The following ARHGAP35 variants were observed in gnomAD, a reference collection of about 807,000 sequenced individuals.
ARHGAP35 encodes rho GTPase-activating protein 35.
In ARHGAP35, 15 loss-of-function variants were observed where a neutral mutation model predicts 111.1. The observed-to-expected ratio is 0.13, with a 90% CI of 0.09 to 0.21. The LOEUF is 0.21. ARHGAP35 is among the 10% of genes least tolerant of loss of function. The pLI is 1.00. For synonymous variants in ARHGAP35, 643 were observed against 710.3 expected, an observed-to-expected ratio of 0.91 and a Z score of 1.51; for missense variants, 1,262 against 1,873.0, an observed-to-expected ratio of 0.67 and a Z score of 6.02.
At position 46,939,941 on chromosome 19, in the gene ARHGAP35, T is replaced by A. The variant is rs537407553; in HGVS notation, c.3826+2533T>A. Among the ~76,000 whole-genome samples, 11 of 151,808 alleles carry A rather than the reference T, an allele frequency of 7.2e-5. No individual in the cohort carries two copies. The East Asian group carries it at 2.2e-3, about 30-fold the overall frequency. On this transcript the variant is annotated intron_variant, in intron 3 of 6. Transcript: ENST00000672722. ...CTTATCCTGGACCACACGTTACATT[T>A]AGTGGTCAAATCTGGCCCAGCACAG... is the stretch of plus-strand genomic sequence containing the variant.
rs1478688513 is a variant in ARHGAP35, at chr19:47,004,603, CAT to C, written c.*3916_*3917del. On this transcript the variant is annotated 3_prime_UTR_variant, in exon 7 of 7. Coordinates refer to ENST00000672722, the MANE Select transcript of ARHGAP35 (RefSeq NM_004491.5). ...TATTTTTCTGGTACTTGTATTTTCA[CAT>C]GTTAAATGATCTTTATATATGTTGA... is the stretch of plus-strand genomic sequence containing the variant. 1 of 152,662 alleles carries C rather than the reference CAT, an allele frequency of 6.6e-6. No homozygotes were observed. Among genetic ancestry groups the C allele is most frequent in the African/African-American group, 2.4e-5 (1 of 41,472 alleles). 9.5% of individuals were successfully genotyped at this position (152,662 alleles called of 1,614,324 possible). A position where few individuals can be genotyped will look rare whatever the true frequency, so the allele number is the denominator to read the frequency against.
rs1316336748 is a variant in ARHGAP35, at chr19:46,986,156, C to T, written c.3827-1833C>T. 6.6e-6 allele frequency among the ~76,000 whole-genome samples: 1 copy of T among 152,200 alleles called. No homozygotes were observed. Among genetic ancestry groups the T allele is most frequent in the Non-Finnish European group, 1.5e-5 (1 of 68,034 alleles). On this transcript the variant is annotated intron_variant, in intron 3 of 6. Coordinates refer to ENST00000672722, the MANE Select transcript of ARHGAP35 (RefSeq NM_004491.5). This position sits in a 1 kb window ranked among gnomAD's most constrained non-coding sequence, Gnocchi z 4.3. ...TTGCTTTAGCCATGAGACCCCATGTCAGTTTTCACAGTGACTTCACTGTCC... is the reference window on the plus strand; with the variant it reads ...TTGCTTTAGCCATGAGACCCCATGTTAGTTTTCACAGTGACTTCACTGTCC...
At chr19:46,957,564 G>T (rs910711779) in intron 3 of ARHGAP35, among the ~76,000 whole-genome samples, 2 of 152,160 alleles carry the variant, frequency 1.3e-5, no homozygotes, top group Non-Finnish European at 2.9e-5. Context: ...AGTGAGCTGC[G>T]ATCACGCTAC....
rs2056211987 is a variant in ARHGAP35, at chr19:46,922,879, A to C, written c.3681+523A>C. Among the ~76,000 whole-genome samples, 1 of 152,210 alleles carries C rather than the reference A, an allele frequency of 6.6e-6. No homozygotes were observed. The highest frequency in any genetic ancestry group is 1.5e-5 in the Non-Finnish European group (1 of 68,042). The stretch of plus-strand genomic sequence containing the variant: ...TTGAGTACATAAATGAAAAAAGAGA[A>C]TCTTGCCACTGAGAGTTATAAACCT... On this transcript the variant is annotated intron_variant, in intron 2 of 6. Coordinates refer to ENST00000672722, the MANE Select transcript of ARHGAP35 (RefSeq NM_004491.5). The surrounding 1 kb of genome is among the most constrained non-coding windows in gnomAD (Gnocchi z 4.0).
At chr19:46,938,972 T>C (rs991114139) in intron 3 of ARHGAP35, among the ~76,000 whole-genome samples, 7 of 152,170 alleles carry the variant, frequency 4.6e-5, no homozygotes, top group African/African-American at 1.2e-4. Context: ...AGTTTTTAAG[T>C]TGGAGCCCAC....
chr19:46,909,550 G>A (rs1340754983), intron 1 of ARHGAP35, among the ~76,000 whole-genome samples: 1 of 152,118 alleles, frequency 6.6e-6, no homozygotes, highest in East Asian at 1.9e-4. Flanking sequence ...TAAAGATCCA[G>A]ATGACCCATT....
At position 46,920,789 on chromosome 19, in the gene ARHGAP35, A is replaced by G. The variant is rs756762988; in HGVS notation, c.2114A>G (p.Lys705Arg). 1.9e-6 allele frequency: 3 copies of G among 1,609,694 alleles called. No homozygotes were observed. Among genetic ancestry groups the G allele is most frequent in the Middle Eastern group, 1.6e-4 (1 of 6,062 alleles). ...CCCCTTACATTAATTTTGGTTAACA[A>G]GAGAGGAGACACCAGTGGAGAGACT... ...HLPLTLILVN[K>R]RGDTSGETLH... Residue 705 changes from lysine (K) to arginine (R), a missense_variant, in exon 2 of 7, where the codon AAG (lysine) becomes AGG (arginine). This residue lies in a region of ARHGAP35 where 579 missense variants were observed against 716.9 expected (regional missense o/e 0.81). Coordinates refer to ENST00000672722, the MANE Select transcript of ARHGAP35 (RefSeq NM_004491.5). The surrounding 1 kb of genome is among the most constrained non-coding windows in gnomAD (Gnocchi z 7.0).
At chr19:46,889,312 A>T (rs547316934) in intron 1 of ARHGAP35, among the ~76,000 whole-genome samples, 1 of 151,558 alleles carries the variant, frequency 6.6e-6, no homozygotes, top group Non-Finnish European at 1.5e-5. Context: ...AAAAATACAA[A>T]AGTTGGTGTG....
chr19:46,987,619 C>T (rs1484422015), intron 3 of ARHGAP35, among the ~76,000 whole-genome samples: 1 of 152,142 alleles, frequency 6.6e-6, no homozygotes, highest in African/African-American at 2.4e-5. Context: ...AAAATAAATT[C>T]ACAACATACT....
At position 46,936,556 on chromosome 19, in the gene ARHGAP35, T is replaced by A. The variant is rs149567001; in HGVS notation, c.3682-708T>A. Among the ~76,000 whole-genome samples, 654 of 152,302 alleles carry A rather than the reference T, an allele frequency of 4.3e-3. 5 individuals carry two copies. Among genetic ancestry groups the A allele is most frequent in the African/African-American group, 0.015 (613 of 41,548 alleles). On this transcript the variant is annotated intron_variant, in intron 2 of 6. Coordinates refer to ENST00000672722, the MANE Select transcript of ARHGAP35 (RefSeq NM_004491.5). ...AATCTGTTTTCCATTTCATTTTTTT[T>A]AAAGATTTTAGCTATCTTTGAGTAT...
intron 1 of ARHGAP35, among the ~76,000 whole-genome samples, chr19:46,878,843 G>C (rs1214161653): frequency 6.6e-6 from 1 of 152,156 alleles, no homozygotes; most frequent in African/African-American, 2.4e-5. Context: ...TGCTAGTGGA[G>C]GGTCCTGCCT....
chr19:46,919,598 A>AT lies in ARHGAP35; in HGVS notation c.924dup (p.Val309CysfsTer23). On this transcript the variant is annotated frameshift_variant, in exon 2 of 7. Transcript: ENST00000672722. LOFTEE classifies it high-confidence loss of function. This position sits in a 1 kb window ranked among gnomAD's most constrained non-coding sequence, Gnocchi z 6.2. The stretch of plus-strand genomic sequence containing the variant: ...CAGGCCTCTCCAGAATACCAGGACT[A>AT]TGTCTACCTGGAAGGGACTCAGAAA... 1 of 1,613,978 alleles carries AT rather than the reference A, an allele frequency of 6.2e-7. No individual in the cohort carries two copies. The highest frequency in any genetic ancestry group is 1.1e-5 in the South Asian group (1 of 91,082).
chr19:46,944,938 A>G (rs1310527288), intron 3 of ARHGAP35, among the ~76,000 whole-genome samples: 1 of 152,176 alleles, frequency 6.6e-6, no homozygotes, highest in African/African-American at 2.4e-5. Context: ...CCTTGTTCAT[A>G]CTTCTGAAAA....
Position 46,926,972 on chromosome 19 carries a change from G to T in ARHGAP35, c.3681+4616G>T, listed in dbSNP as rs2056242121. On this transcript the variant is annotated intron_variant, in intron 2 of 6. Coordinates refer to ENST00000672722, the MANE Select transcript of ARHGAP35 (RefSeq NM_004491.5). This position sits in a 1 kb window ranked among gnomAD's most constrained non-coding sequence, Gnocchi z 4.1. Reference sequence around the variant, plus strand: ...TTGAGTTTTGACAGACAAGCTGAATGCGATGAAATATGAGCTCTTTGTAAC... The same window carrying T: ...TTGAGTTTTGACAGACAAGCTGAATTCGATGAAATATGAGCTCTTTGTAAC... Among the ~76,000 whole-genome samples the T allele has an allele frequency of 1.3e-5, 2 of 152,318 alleles. No individual in the cohort carries two copies. Among genetic ancestry groups the T allele is most frequent in the East Asian group, 3.9e-4 (2 of 5,184 alleles).
chr19:46,875,642 G>T (rs1224459791), intron 1 of ARHGAP35, among the ~76,000 whole-genome samples: 1 of 152,092 alleles, frequency 6.6e-6, no homozygotes, highest in East Asian at 1.9e-4. Flanking sequence ...GCTTGCCACA[G>T]TCTTTTTATT....
intron 3 of ARHGAP35, among the ~76,000 whole-genome samples, chr19:46,959,675 C>G (rs2056465569): frequency 6.7e-6 from 1 of 149,192 alleles, no homozygotes; most frequent in Non-Finnish European, 1.5e-5. Flanking sequence ...GCTGGGATTA[C>G]AGGCGTGAGC....
intron 1 of ARHGAP35, among the ~76,000 whole-genome samples, chr19:46,880,110 A>C (rs1223866612): frequency 1.3e-5 from 2 of 151,794 alleles, no homozygotes; most frequent in Non-Finnish European, 2.9e-5. Context: ...TAAATAAATA[A>C]ATAAATAAAT....
At chr19:46,935,090 C>T (rs1333424783) in intron 2 of ARHGAP35, among the ~76,000 whole-genome samples, 1 of 152,162 alleles carries the variant, frequency 6.6e-6, no homozygotes, top group Non-Finnish European at 1.5e-5. Flanking sequence ...TTCCTTACTT[C>T]TTTGGTAAAA....
intron 1 of ARHGAP35, among the ~76,000 whole-genome samples, chr19:46,867,799 A>C (rs934820933): frequency 1.3e-5 from 2 of 151,540 alleles, no homozygotes; most frequent in East Asian, 3.9e-4. Context: ...AGATGTTTGT[A>C]CCAACTGTAA....
Sources: gnomAD v4.1 joint callset for allele counts (sites outside exome capture counted in the v4.1 genomes callset) on GRCh38, gnomAD v4.1.1 for gene constraint, gnomAD v4.1.1 regional missense constraint, Gnocchi (gnomAD v3.1) non-coding constraint, MANE v1.5 for transcripts, NCBI Gene and HGNC (gene_info 2026-07-23, HGNC 2026-07-21) for gene names.